NKAIN3: variants seen among roughly 807,000 people sequenced by gnomAD.
NKAIN3 encodes the protein sodium/potassium transporting ATPase interacting 3, also known as sodium/potassium-transporting ATPase subunit beta-1-interacting protein 3.
Under a neutral mutation model 30.2 loss-of-function variants are expected in NKAIN3, and 25 were observed. The ratio of observed to expected loss-of-function variants is 0.83; its 90% confidence interval spans 0.60 to 1.16. The LOEUF (loss-of-function observed/expected upper bound fraction) is 1.16, where lower values mean the gene tolerates loss of function less well. NKAIN3 is among the 50% of genes most tolerant of loss of function. NKAIN3 has a pLI of 0.00. For missense variants in NKAIN3, 225 were observed against 254.1 expected, an observed-to-expected ratio of 0.89 and a Z score of 0.78; for synonymous variants, 91 against 89.6, an observed-to-expected ratio of 1.02 and a Z score of -0.09.
chr8:62,444,034 A>C (rs1341824239), intron 1 of NKAIN3, among the ~76,000 whole-genome samples: 1 of 152,152 alleles, frequency 6.6e-6, no homozygotes, highest in Admixed American at 6.5e-5. Flanking sequence ...TAATGGTTCC[A>C]ATACTTGAAC....
At chr8:62,886,975 T>A (rs965560120) in intron 4 of NKAIN3, among the ~76,000 whole-genome samples, 1 of 152,180 alleles carries the variant, frequency 6.6e-6, no homozygotes, top group Non-Finnish European at 1.5e-5. Flanking sequence ...TTCATCCACA[T>A]CTCTACAAAG....
At chr8:62,416,316 G>A (rs1025088515) in intron 1 of NKAIN3, among the ~76,000 whole-genome samples, 7 of 152,176 alleles carry the variant, frequency 4.6e-5, no homozygotes, top group African/African-American at 1.7e-4. Context: ...GGGTGAAGAA[G>A]CCCTAGATGT....
intron 3 of NKAIN3, among the ~76,000 whole-genome samples, chr8:62,612,954 A>C (rs1027842531): frequency 4.6e-5 from 7 of 151,996 alleles, no homozygotes; most frequent in African/African-American, 1.7e-4. Context: ...ATTTCTATTT[A>C]TATTTTATTG....
chr8:62,848,088 G>A (rs1192881267), intron 4 of NKAIN3, among the ~76,000 whole-genome samples: 1 of 152,128 alleles, frequency 6.6e-6, no homozygotes, highest in Non-Finnish European at 1.5e-5. Context: ...GTAGCCTTTA[G>A]TATAGTTTGA....
intron 3 of NKAIN3, among the ~76,000 whole-genome samples, chr8:62,659,053 G>A (rs993417292): frequency 7.2e-5 from 11 of 152,110 alleles, no homozygotes; most frequent in African/African-American, 2.2e-4. Flanking sequence ...TCACCCTCCA[G>A]GTGCCCATTT....
intron 1 of NKAIN3, among the ~76,000 whole-genome samples, chr8:62,302,760 T>A (rs182055079): frequency 1.4e-3 from 211 of 152,184 alleles, no homozygotes; most frequent in African/African-American, 4.8e-3. Flanking sequence ...TTCTTCTTAG[T>A]AAACAAAAGC....
chr8:62,562,616 G>T (rs1034929931), intron 1 of NKAIN3, among the ~76,000 whole-genome samples: 29 of 152,196 alleles, frequency 1.9e-4, no homozygotes, highest in African/African-American at 7.0e-4. Context: ...CAAAAAGAAA[G>T]ATAAGTAGTT....
At chr8:62,469,269 A>G (rs1806251787) in intron 1 of NKAIN3, among the ~76,000 whole-genome samples, 1 of 152,218 alleles carries the variant, frequency 6.6e-6, no homozygotes, top group Non-Finnish European at 1.5e-5. Context: ...TGTTTTGAAC[A>G]CAGACTCTAG....
chr8:62,905,323 G>A (rs992674850), intron 4 of NKAIN3, among the ~76,000 whole-genome samples: 1 of 152,096 alleles, frequency 6.6e-6, no homozygotes, highest in Non-Finnish European at 1.5e-5. Context: ...ATCATAAAGG[G>A]ACTGGAAGTG....
chr8:62,408,245 TCTC>T (rs1472883063), intron 1 of NKAIN3, among the ~76,000 whole-genome samples: 7 of 152,272 alleles, frequency 4.6e-5, no homozygotes, highest in Admixed American at 4.6e-4. Context: ...GGAATCATAA[TCTC>T]CTAAGAATCT....
intron 1 of NKAIN3, among the ~76,000 whole-genome samples, chr8:62,455,504 T>C (rs1165587132): frequency 6.6e-6 from 1 of 152,122 alleles, no homozygotes; most frequent in Non-Finnish European, 1.5e-5. Context: ...TGATAGATAC[T>C]GGGGACTACA....
chr8:62,681,147 C>G (rs1289930120), intron 3 of NKAIN3, among the ~76,000 whole-genome samples: 1 of 152,180 alleles, frequency 6.6e-6, no homozygotes, highest in African/African-American at 2.4e-5. Flanking sequence ...CAGTGCCAAT[C>G]CTGTCTCAAT....
At chr8:62,338,321 A>G (rs1162267097) in intron 1 of NKAIN3, among the ~76,000 whole-genome samples, 1 of 152,030 alleles carries the variant, frequency 6.6e-6, no homozygotes, top group Non-Finnish European at 1.5e-5. Flanking sequence ...TTAATATACA[A>G]TTATAAAATA....
chr8:62,729,041 A>AAAAC (rs1361535669), intron 3 of NKAIN3, among the ~76,000 whole-genome samples: 1 of 73,252 alleles, frequency 1.4e-5, no homozygotes, highest in African/African-American at 4.3e-5. Flanking sequence ...AAAAAAAAAC[A>AAAAC]AAAAAAAAAA....
intron 4 of NKAIN3, among the ~76,000 whole-genome samples, chr8:62,769,143 C>G (rs946725244): frequency 6.6e-6 from 1 of 152,122 alleles, no homozygotes; most frequent in African/African-American, 2.4e-5. Flanking sequence ...ACATTCTAGT[C>G]TAGTGATCAA....
intron 3 of NKAIN3, among the ~76,000 whole-genome samples, chr8:62,657,982 G>A (rs1427984748): frequency 1.3e-5 from 2 of 152,186 alleles, no homozygotes; most frequent in Admixed American, 1.3e-4. Flanking sequence ...AATGGCTGAA[G>A]AGAGTGCAGA....
chr8:62,287,162 A>G (rs1173064317), intron 1 of NKAIN3, among the ~76,000 whole-genome samples: 2 of 151,336 alleles, frequency 1.3e-5, no homozygotes, highest in Admixed American at 6.6e-5. Flanking sequence ...AGATTACAGT[A>G]GCCCTTTGGC....
At chr8:62,491,939 G>A (rs1194953179) in intron 1 of NKAIN3, among the ~76,000 whole-genome samples, 1 of 152,130 alleles carries the variant, frequency 6.6e-6, no homozygotes, top group African/African-American at 2.4e-5. Flanking sequence ...GGTGTGGTCA[G>A]TAATGTCCGT....
rs539376920 is a variant in NKAIN3 at position 62,455,042 on chromosome 8, A to G, written c.55-124497A>G. Among the ~76,000 whole-genome samples the G allele has an allele frequency of 3.3e-5, 5 of 152,354 alleles. No homozygotes were observed. The East Asian group carries it at 9.6e-4, about 29-fold the overall frequency. On this transcript the variant is annotated intron_variant, in intron 1 of 6. Coordinates refer to ENST00000623646, the MANE Select transcript of NKAIN3 (RefSeq NM_001304533.3). Reference sequence around the variant, plus strand: ...CACCATTGGCTAATTCTTCATGCTCAGGAAAATACAGCAAAAGCACACACA... The same window carrying G: ...CACCATTGGCTAATTCTTCATGCTCGGGAAAATACAGCAAAAGCACACACA...
Sources: gnomAD v4.1 joint callset for allele counts (sites outside exome capture counted in the v4.1 genomes callset) on GRCh38, gnomAD v4.1.1 for gene constraint, MANE v1.5 for transcripts, NCBI Gene and HGNC (gene_info 2026-07-23, HGNC 2026-07-21) for gene names.